MAP3K11: variants seen among roughly 807,000 people sequenced by gnomAD.
MAP3K11 encodes SH3 domain-containing proline-rich kinase.
MAP3K11 carries 46 observed loss-of-function variants against 84.9 expected under a neutral mutation model. The ratio of observed to expected loss-of-function variants is 0.54; its 90% confidence interval spans 0.43 to 0.69. The LOEUF (loss-of-function observed/expected upper bound fraction) is 0.69. Ranked by LOEUF, MAP3K11 falls within the 30% of genes least tolerant of loss-of-function variation. The probability of loss-of-function intolerance (pLI) is 0.00; values close to 1 mark genes in which losing one functional copy is unlikely to be tolerated. For missense variants in MAP3K11, 1,053 were observed against 1,198.3 expected, an observed-to-expected ratio of 0.88 and a Z score of 1.79; for synonymous variants, 527 against 514.7, an observed-to-expected ratio of 1.02 and a Z score of -0.32.
chr11:65,607,597 G>T, intron 4 of MAP3K11, 44 bp downstream of exon 4: 1 of 1,570,996 alleles, frequency 6.4e-7, no homozygotes, highest in Non-Finnish European at 8.6e-7. Flanking sequence ...CAGGGAGATC[G>T]GGGAGACACT....
At chr11:65,607,147 C>G in intron 5 of MAP3K11, 123 bp downstream of exon 5, 1 of 1,285,982 alleles carries the variant, frequency 7.8e-7, no homozygotes, top group Non-Finnish European at 1.0e-6. Context: ...CCCCTCCCAG[C>G]CTTCATCTCA....
chr11:65,613,086 CG>C lies in MAP3K11; in HGVS notation c.670del (p.Arg224ValfsTer40). On this transcript the variant is annotated frameshift_variant, in exon 1 of 10. Transcript: ENST00000309100. LOFTEE classifies it high-confidence loss of function. ...VLVNWAVQIA[R>X]GMHYLHCEAL... Reference sequence around the variant, plus strand: ...CTCGCAGTGCAGGTAGTGCATCCCACGGGCAATCTGCACAGCCCAGTTGACC... The same window carrying C: ...CTCGCAGTGCAGGTAGTGCATCCCACGGCAATCTGCACAGCCCAGTTGACC... The C allele has an allele frequency of 6.5e-7, 1 of 1,543,544 alleles. No individual in the cohort carries two copies. Among genetic ancestry groups the C allele is most frequent in the African/African-American group, 1.4e-5 (1 of 72,930 alleles).
At chr11:65,607,033 T>TCCCAGAACTTTCGTGAAC (rs1854516876) in intron 5 of MAP3K11, 11 of 654,250 alleles carry the variant, frequency 1.7e-5, no homozygotes, top group Non-Finnish European at 2.2e-5. Flanking sequence ...CACTAGACCT[T>TCCCAGAACTTTCGTGAAC]CCCAGAACTT....
At position 65,608,446 on chromosome 11, in the gene MAP3K11, A is replaced by G. The variant is rs1380267148; in HGVS notation, c.742T>C (p.Leu248=). Residue 248 remains leucine, a splice_region_variant and synonymous_variant, in exon 2 of 10, where the codon TTG becomes CTG. Transcript: ENST00000309100. ...IHRDLKSNNI[L]LLQPIESDDM... is the part of the protein sequence containing the mutation. Reference sequence around the variant, plus strand: ...TCACTCTCAATGGGCTGCAGCAGCAAAACTAGAGAAGAGGGGCCAGATTGT... The same window carrying G: ...TCACTCTCAATGGGCTGCAGCAGCAGAACTAGAGAAGAGGGGCCAGATTGT... 1.2e-6 allele frequency: 2 copies of G among 1,614,074 alleles called. No individual in the cohort carries two copies. Among genetic ancestry groups the G allele is most frequent in the East Asian group, 2.2e-5 (1 of 44,882 alleles).
intron 1 of MAP3K11, 102 bp downstream of exon 1, chr11:65,612,916 G>A: frequency 7.3e-7 from 1 of 1,368,108 alleles, no homozygotes; most frequent in South Asian, 1.7e-5. Flanking sequence ...CCTAGGGTGG[G>A]AGCTCCTACC....
intron 8 of MAP3K11, among the ~76,000 whole-genome samples, chr11:65,603,681 C>T (rs1040627694): frequency 6.6e-6 from 1 of 152,184 alleles, no homozygotes; most frequent in Non-Finnish European, 1.5e-5. Context: ...CCAGATGATG[C>T]GTGGAGTGTG....
At position 65,599,532 on chromosome 11, in the gene MAP3K11, G is replaced by C. The variant is rs763236463; in HGVS notation, c.2068C>G (p.Pro690Ala). 2 of 1,488,232 alleles carry C rather than the reference G, an allele frequency of 1.3e-6. No individual in the cohort carries two copies. The highest frequency in any genetic ancestry group is 2.7e-5 in the Admixed American group (1 of 36,510). 92.2% of individuals were successfully genotyped at this position (1,488,232 alleles called of 1,614,324 possible). Residue 690 changes from proline (P) to alanine (A), a missense_variant, in exon 9 of 10, where the codon CCG (proline) becomes GCG (alanine). Transcript: ENST00000309100. ...TPTPAPCPTE[P>A]PPSPLICFSL... ...AAGCAGATGAGCGGGGAAGGGGGCG[G>C]CTCGGTCGGGCAGGGCGCGGGCGTT...
rs1854413864 is a variant in MAP3K11 at position 65,598,642 on chromosome 11, G to C, written c.2207-14C>G. The C allele has an allele frequency of 1.4e-6, 2 of 1,474,944 alleles. No homozygotes were observed. Among genetic ancestry groups the C allele is most frequent in the South Asian group, 1.4e-5 (1 of 72,680 alleles). 91.4% of individuals were successfully genotyped at this position (1,474,944 alleles called of 1,614,324 possible). On this transcript the variant is annotated splice_polypyrimidine_tract_variant and intron_variant, in intron 9 of 9. Transcript: ENST00000309100. ...AGACAGTGCCTCCTGTGAGGATATA[G>C]GAGGGGCACAGGGTCAAGCAACCCC... is the stretch of plus-strand genomic sequence containing the variant.
In MAP3K11 at chr11:65,613,822, T is replaced by C; in HGVS notation, c.-66A>G. The stretch of plus-strand genomic sequence containing the variant: ...GGGTGCCCGTGGTCCCCACCCCCGC[T>C]GGCTGCCAAGGCCCTAGTCCCGGAA... On this transcript the variant is annotated 5_prime_UTR_variant, in exon 1 of 10. Coordinates refer to ENST00000309100, the MANE Select transcript of MAP3K11 (RefSeq NM_002419.4). 2 of 1,453,694 alleles carry C rather than the reference T, an allele frequency of 1.4e-6. No homozygotes were observed. The highest frequency in any genetic ancestry group is 1.8e-6 in the Non-Finnish European group (2 of 1,105,286). 90.0% of individuals were successfully genotyped at this position (1,453,694 alleles called of 1,614,324 possible). A position where few individuals can be genotyped will look rare whatever the true frequency, so the allele number is the denominator to read the frequency against.
chr11:65,607,574 C>T (rs1854526534), intron 4 of MAP3K11, 61 bp from the exon 5 acceptor site: 4 of 1,553,106 alleles, frequency 2.6e-6, no homozygotes, highest in Non-Finnish European at 2.6e-6. Context: ...CAGCGCCCGC[C>T]CCGACTCTGC....
At chr11:65,606,631 G>A (rs1854510806) in intron 6 of MAP3K11, 60 bp downstream of exon 6, 2 of 1,282,236 alleles carry the variant, frequency 1.6e-6, no homozygotes, top group Non-Finnish European at 2.2e-6. Context: ...CAAGAATAAG[G>A]TCTGACAGAG....
At chr11:65,603,914 C>T (rs1854480898) in intron 8 of MAP3K11, among the ~76,000 whole-genome samples, 1 of 152,250 alleles carries the variant, frequency 6.6e-6, no homozygotes, top group African/African-American at 2.4e-5. Flanking sequence ...ATTGTGGGAG[C>T]ATTCACTGTA....
Position 65,606,688 on chromosome 11 carries a change from T to C in MAP3K11, c.1603+3A>G, listed in dbSNP as rs1350303584. 6.3e-7 allele frequency: 1 copy of C among 1,586,356 alleles called. No homozygotes were observed. On this transcript the variant is annotated splice_donor_region_variant and intron_variant, in intron 6 of 9. Coordinates refer to ENST00000309100, the MANE Select transcript of MAP3K11 (RefSeq NM_002419.4). Reference sequence around the variant, plus strand: ...GAGGGGCATGAGAGGTGAAGTTTCTTACACTGGATGGCTCGGAACCGGGGA... The same window carrying C: ...GAGGGGCATGAGAGGTGAAGTTTCTCACACTGGATGGCTCGGAACCGGGGA...
At chr11:65,606,853 A>G in intron 5 of MAP3K11, 49 bp from the exon 6 acceptor site, 1 of 1,275,548 alleles carries the variant, frequency 7.8e-7, no homozygotes, top group Non-Finnish European at 1.1e-6. Context: ...GATGAAGTAG[A>G]GCCAGGACCC....
chr11:65,601,251 C>G (rs1381693699), intron 8 of MAP3K11, among the ~76,000 whole-genome samples: 3 of 152,126 alleles, frequency 2.0e-5, no homozygotes, highest in African/African-American at 7.2e-5. Context: ...CTGACCTTTC[C>G]CACCTTGGCT....
In MAP3K11 at chr11:65,613,214, A is replaced by G; in HGVS notation, c.543T>C (p.Ala181=). Residue 181 remains alanine, a synonymous_variant, in exon 1 of 10, where the codon GCT becomes GCC. Transcript: ENST00000309100. The stretch of plus-strand genomic sequence containing the variant: ...ACAGGTTGGGCTCCTCCAGGCACAC[A>G]GCCTTGAGGGCAATGATGTTGGGGT... The part of the protein sequence containing the change: ...LAHPNIIALK[A]VCLEEPNLCL... 1 of 1,590,164 alleles carries G rather than the reference A, an allele frequency of 6.3e-7. No homozygotes were observed. The highest frequency in any genetic ancestry group is 8.6e-7 in the Non-Finnish European group (1 of 1,165,172).
intron 1 of MAP3K11, 123 bp from the exon 2 acceptor site, chr11:65,608,571 G>C: frequency 1.3e-6 from 1 of 767,432 alleles, no homozygotes; most frequent in South Asian, 1.8e-5. Context: ...AGGTGACTTG[G>C]TCTAGATCTT....
Position 65,607,668 on chromosome 11 carries a change from G to C in MAP3K11, c.1218C>G (p.Leu406=), listed in dbSNP as rs1354907887. Reference sequence around the variant, plus strand: ...TTTCCTTGGCTCGCAGCTCGTCGAAGAGACCCTGGATCTCGCGCTTCCAGC... The same window carrying C: ...TTTCCTTGGCTCGCAGCTCGTCGAACAGACCCTGGATCTCGCGCTTCCAGC... The part of the protein sequence containing the change: ...QEGWKREIQG[L]FDELRAKEKE... The change falls in exon 4 of 10, where the codon CTC becomes CTG. Residue 406 remains leucine (L), a synonymous_variant. Transcript: ENST00000309100. 6.2e-7 allele frequency: 1 copy of C among 1,610,706 alleles called. No individual in the cohort carries two copies. The highest frequency in any genetic ancestry group is 1.3e-5 in the African/African-American group (1 of 74,852).
chr11:65,604,683 T>TA (rs1475828080), intron 8 of MAP3K11, among the ~76,000 whole-genome samples: 13 of 149,830 alleles, frequency 8.7e-5, no homozygotes, highest in Admixed American at 8.6e-4. Context: ...TAGCTGTTGT[T>TA]ACAACTATCA....
Sources: allele counts gnomAD v4.1 joint callset (sites outside exome capture counted in the v4.1 genomes callset), GRCh38; gene constraint gnomAD v4.1.1; transcripts MANE v1.5; gene names NCBI Gene and HGNC (gene_info 2026-07-23, HGNC 2026-07-21).